Variants in MPP4 observed in about 807,000 individuals in gnomAD.
The protein encoded by MPP4 is MAGUK p55 subfamily member 4.
A neutral mutation model predicts 98.3 loss-of-function variants in MPP4; 91 were observed. The observed-to-expected ratio is 0.93, with a 90% CI of 0.78 to 1.10. The LOEUF (loss-of-function observed/expected upper bound fraction) is 1.10, where lower values mean the gene tolerates loss of function less well. Among genes scored for constraint, MPP4 ranks in the 50% least tolerant of loss-of-function variants. The probability of loss-of-function intolerance (pLI) is 0.00; values close to 1 mark genes in which losing one functional copy is unlikely to be tolerated. For missense variants in MPP4, 744 were observed against 792.9 expected, an observed-to-expected ratio of 0.94 and a Z score of 0.74; for synonymous variants, 261 against 271.8, an observed-to-expected ratio of 0.96 and a Z score of 0.39.
intron 10 of MPP4, 137 bp from the exon 11 acceptor site, chr2:201,675,408 A>T (rs1447175569): frequency 4.9e-6 from 4 of 818,370 alleles, no homozygotes; most frequent in Non-Finnish European, 5.9e-6. Flanking sequence ...GAAAAGGGTG[A>T]TTGCTTCTCC....
Position 201,645,314 on chromosome 2 carries a change from A to G in MPP4, c.1810T>C (p.Leu604=). 5 of 1,614,024 alleles carry G rather than the reference A, an allele frequency of 3.1e-6. No individual in the cohort carries two copies. The highest frequency in any genetic ancestry group is 4.2e-6 in the Non-Finnish European group (5 of 1,179,886). The change falls in exon 22 of 22, where the codon TTG becomes CTG. Residue 604 remains leucine (L), a synonymous_variant. Transcript: ENST00000409474. ...AACAACTGGGCACATGCATCGTGCAAGCTGTCATTCACAATCACATGATCA... is the reference window on the plus strand; with the variant it reads ...AACAACTGGGCACATGCATCGTGCAGGCTGTCATTCACAATCACATGATCA... The part of the protein sequence containing the change: ...FFDHVIVNDS[L]HDACAQLLSA...
At chr2:201,684,358 G>T (rs1366572386) in intron 7 of MPP4, among the ~76,000 whole-genome samples, 1 of 152,200 alleles carries the variant, frequency 6.6e-6, no homozygotes, top group African/African-American at 2.4e-5. Flanking sequence ...AAAGTGCAGA[G>T]AAAAAGTTGG....
chr2:201,649,889 C>T (rs1218417914), intron 19 of MPP4, among the ~76,000 whole-genome samples, 183 bp downstream of exon 19: 1 of 152,200 alleles, frequency 6.6e-6, no homozygotes, highest in Non-Finnish European at 1.5e-5. Flanking sequence ...TTTGCAGACT[C>T]CATTCTGCTC....
rs13428577 is a variant in MPP4 at position 201,653,356 on chromosome 2, C to T, written c.1381+1481G>A. ...GGTTCCCCTAGGTTCCTCTGTCTTG[C>T]CTTGAGGGGAGGGGGAAGCAAGCAC... is the stretch of plus-strand genomic sequence containing the variant. On this transcript the variant is annotated intron_variant, in intron 18 of 21. Coordinates refer to ENST00000409474, the MANE Select transcript of MPP4 (RefSeq NM_033066.3). 1.0e-2 allele frequency among the ~76,000 whole-genome samples: 1,519 copies of T among 152,194 alleles called. 24 individuals carry two copies. The highest frequency in any genetic ancestry group is 0.034 in the African/African-American group (1,404 of 41,516).
intron 18 of MPP4, chr2:201,650,873 T>A (rs1342110314): frequency 2.0e-6 from 2 of 985,296 alleles, no homozygotes; most frequent in South Asian, 9.4e-5. Flanking sequence ...ATGGCCACTT[T>A]GATTACAGAC....
intron 10 of MPP4, among the ~76,000 whole-genome samples, chr2:201,677,320 C>A (rs187418159): frequency 2.0e-5 from 3 of 152,190 alleles, no homozygotes; most frequent in African/African-American, 7.2e-5. Flanking sequence ...TGGAAAGTCA[C>A]GTCTACTTGC....
At chr2:201,665,063 CTTTTTTTTTTT>C (rs397868302) in intron 13 of MPP4, 1 of 112,978 alleles carries the variant, frequency 8.9e-6, no homozygotes, top group East Asian at 2.8e-4. Flanking sequence ...TACATCATTG[CTTTTTTTTTTT>C]TTTTTTTTTG....
At chr2:201,664,769 ATATAGT>A (rs796490226) in intron 13 of MPP4, among the ~76,000 whole-genome samples, 12 of 152,360 alleles carry the variant, frequency 7.9e-5, no homozygotes, top group African/African-American at 1.2e-4. Context: ...ATGTAAAATG[ATATAGT>A]TATAAGGCAA....
intron 18 of MPP4, chr2:201,650,546 T>C: frequency 1.0e-6 from 1 of 985,402 alleles, no homozygotes; most frequent in Non-Finnish European, 1.2e-6. Flanking sequence ...TTTCCCATGA[T>C]CTCATTTCAT....
At chr2:201,663,741 G>A (rs1279491950) in intron 14 of MPP4, among the ~76,000 whole-genome samples, 1 of 152,038 alleles carries the variant, frequency 6.6e-6, no homozygotes, top group African/African-American at 2.4e-5. Context: ...AATTAGCCAG[G>A]TGTAATGGCA....
chr2:201,657,620 C>CTTTTTTTTTTTTTTTTTTT (rs1687894177), intron 16 of MPP4, among the ~76,000 whole-genome samples: 16 of 61,674 alleles, frequency 2.6e-4, no homozygotes, highest in Admixed American at 9.1e-4. Context: ...TTTTTTTTTG[C>CTTTTTTTTTTTTTTTTTTT]TTATTGTATC....
Position 201,677,324 on chromosome 2 carries a change from T to C in MPP4, c.930-2053A>G, listed in dbSNP as rs191956284. On this transcript the variant is annotated intron_variant, in intron 10 of 21. Coordinates refer to ENST00000409474, the MANE Select transcript of MPP4 (RefSeq NM_033066.3). ...GGGCCTCTCACTGGAAAGTCACGTCTACTTGCCAAAAATATTTGCTACTCT... is the reference window on the plus strand; with the variant it reads ...GGGCCTCTCACTGGAAAGTCACGTCCACTTGCCAAAAATATTTGCTACTCT... 3.9e-5 allele frequency among the ~76,000 whole-genome samples: 6 copies of C among 152,300 alleles called. No individual in the cohort carries two copies. The East Asian group carries it at 9.6e-4, about 24-fold the overall frequency.
chr2:201,696,299 T>C (rs922524760), intron 1 of MPP4, among the ~76,000 whole-genome samples: 6 of 152,212 alleles, frequency 3.9e-5, no homozygotes, highest in African/African-American at 1.4e-4. Context: ...TGTTTTTGAC[T>C]CTATTGAATC....
chr2:201,648,853 T>G (rs1308928337), intron 20 of MPP4, among the ~76,000 whole-genome samples: 2 of 151,874 alleles, frequency 1.3e-5, no homozygotes, highest in Admixed American at 6.6e-5. Flanking sequence ...AGCCCAGGAG[T>G]TCCATTGCCA....
rs190233123 is a variant in MPP4, at chr2:201,691,866, T to C, written c.201+1042A>G. Among the ~76,000 whole-genome samples the C allele has an allele frequency of 3.3e-5, 5 of 152,288 alleles. No individual in the cohort carries two copies. The East Asian group carries it at 7.7e-4, about 24-fold the overall frequency. On this transcript the variant is annotated intron_variant, in intron 3 of 21. Coordinates refer to ENST00000409474, the MANE Select transcript of MPP4 (RefSeq NM_033066.3). ...ACTTCAGGGTACCTAAACAGAACTG[T>C]AGATATTTTACTTTCTAACTTTAAC...
Position 201,692,940 on chromosome 2 carries a change from G to A in MPP4, c.169C>T (p.Leu57Phe), listed in dbSNP as rs1689080981. ...AGAGCCTGAAGCCACGGCGAGTGGA[G>A]GAGATCGTACAAGAGACACACTCCA... ...VNGVCLLYDL[L>F]HSPWLQALLK... The change falls in exon 3 of 22, where the codon CTC (leucine) becomes TTC (phenylalanine). Residue 57 changes from leucine to phenylalanine, a missense_variant. Transcript: ENST00000409474. 6.2e-7 allele frequency: 1 copy of A among 1,611,486 alleles called. No individual in the cohort carries two copies. The highest frequency in any genetic ancestry group is 8.5e-7 in the Non-Finnish European group (1 of 1,178,940).
intron 10 of MPP4, among the ~76,000 whole-genome samples, chr2:201,679,468 C>A (rs1220627517): frequency 6.6e-6 from 1 of 152,282 alleles, no homozygotes; most frequent in South Asian, 2.1e-4. Flanking sequence ...TCTCATTTCA[C>A]TGAGAAAATA....
At chr2:201,652,016 G>C in intron 18 of MPP4, 1 of 974,416 alleles carries the variant, frequency 1.0e-6, no homozygotes, top group Non-Finnish European at 1.2e-6. Flanking sequence ...TTCTTTGGTA[G>C]TTTTTGCTTT....
chr2:201,647,241 TA>T (rs1687585679), intron 21 of MPP4, among the ~76,000 whole-genome samples: 1 of 152,208 alleles, frequency 6.6e-6, no homozygotes, highest in Admixed American at 6.5e-5. Flanking sequence ...ATTTTTAAAG[TA>T]AGCTTTTAAG....
Sources: gnomAD v4.1 joint callset for allele counts (sites outside exome capture counted in the v4.1 genomes callset) on GRCh38, gnomAD v4.1.1 for gene constraint, MANE v1.5 for transcripts, NCBI Gene and HGNC (gene_info 2026-07-23, HGNC 2026-07-21) for gene names.